FAM53A: variants seen among roughly 807,000 people sequenced by gnomAD.
The protein encoded by FAM53A is family with sequence similarity 53 member A.
In FAM53A, 28 loss-of-function variants were observed where a neutral mutation model predicts 26.6. The ratio of observed to expected loss-of-function variants is 1.05; its 90% CI spans 0.78 to 1.45. The LOEUF is 1.45. FAM53A is among the 40% of genes most tolerant of loss of function. The pLI is 0.00. For synonymous variants in FAM53A, 290 were observed against 253.1 expected (o/e 1.15, Z -1.38); for missense variants, 650 against 575.8 (o/e 1.13, Z -1.32).
rs1715567970 is a variant in FAM53A at position 1,630,519 on chromosome 4, G to A, written c.432-12408C>T. Among the ~76,000 whole-genome samples the A allele has an allele frequency of 6.6e-6, 1 of 152,228 alleles. No homozygotes were observed. The highest frequency in any genetic ancestry group is 2.4e-5 in the African/African-American group (1 of 41,456). Reference sequence around the variant, plus strand: ...ATCGTGTATGGGGACACACAGGCAAGAGCAGGGTCTACAAAAATACACGCC... The same window carrying A: ...ATCGTGTATGGGGACACACAGGCAAAAGCAGGGTCTACAAAAATACACGCC... On this transcript the variant is annotated intron_variant, in intron 1 of 1. Coordinates refer to the FAM53A transcript ENST00000489029. The surrounding 1 kb of genome is among the most constrained non-coding windows in gnomAD (Gnocchi z 4.3).
the FAM53A span, among the ~76,000 whole-genome samples, chr4:1,596,101 CAG>C: frequency 2.0e-5 from 3 of 152,210 alleles, no homozygotes; most frequent in East Asian, 3.9e-4. Context: ...AAAGTGCACA[CAG>C]AGACAGAGGG....
intron 1 of FAM53A, chr4:1,683,650 T>C (rs563834493): frequency 6.6e-6 from 1 of 152,264 alleles, no homozygotes; most frequent in Non-Finnish European, 1.5e-5. Flanking sequence ...TATGGAAACT[T>C]AGCTTCAAAG....
chr4:1,655,343 C>A lies in FAM53A; in HGVS notation c.517G>T (p.Ala173Ser). 7.0e-7 allele frequency: 1 copy of A among 1,434,080 alleles called. No individual in the cohort carries two copies. The highest frequency in any genetic ancestry group is 9.1e-7 in the Non-Finnish European group (1 of 1,097,302). 88.8% of individuals were successfully genotyped at this position (1,434,080 alleles called of 1,614,324 possible). A position where few individuals can be genotyped will look rare whatever the true frequency, so the allele number is the denominator to read the frequency against. ...GSPGAVLPRS[A>S]VWSTGPTSPA... is the part of the protein sequence containing the mutation. ...GAGGTGGGACCGGTCGACCACACAG[C>A]ACTCCTCGGCAGGACGGCGCCGGGG... is the stretch of plus-strand genomic sequence containing the variant. The change falls in exon 4 of 5, where the codon GCT becomes TCT. Residue 173 changes from alanine (A) to serine (S), a missense_variant. Ala to Ser is a moderately conservative substitution (Grantham distance 99, BLOSUM62 1). Coordinates refer to ENST00000308132, the MANE Select transcript of FAM53A (RefSeq NM_001174070.3).
chr4:1,601,386 C>T, the FAM53A span, among the ~76,000 whole-genome samples: 1 of 113,234 alleles, frequency 8.8e-6, no homozygotes, highest in South Asian at 2.6e-4. Flanking sequence ...CATCCGTCCA[C>T]CGTTCACACA....
chr4:1,625,804 C>T (rs558097540), intron 1 of FAM53A, among the ~76,000 whole-genome samples: 2 of 152,118 alleles, frequency 1.3e-5, no homozygotes, highest in Non-Finnish European at 2.9e-5. Flanking sequence ...CCCCACGTCC[C>T]GGCCCACGTG....
intron 2 of FAM53A, 139 bp from the exon 3 acceptor site, chr4:1,657,607 T>A: frequency 1.3e-6 from 1 of 754,244 alleles, no homozygotes; most frequent in Non-Finnish European, 2.2e-6. Flanking sequence ...ACAGTTTTAT[T>A]AAAACCTAAC....
At chr4:1,612,641 C>A in the FAM53A span, among the ~76,000 whole-genome samples, 2 of 152,236 alleles carry the variant, frequency 1.3e-5, no homozygotes, top group African/African-American at 4.8e-5. Flanking sequence ...GGTGCATGCA[C>A]ACACGCCCAG....
the FAM53A span, among the ~76,000 whole-genome samples, chr4:1,601,863 G>A: frequency 2.1e-5 from 1 of 47,030 alleles, no homozygotes; most frequent in African/African-American, 5.3e-5. Context: ...AATCCAGCTA[G>A]AGCGAGGCTG....
chr4:1,587,117 T>C, the FAM53A span, among the ~76,000 whole-genome samples: 1 of 152,216 alleles, frequency 6.6e-6, no homozygotes, highest in Non-Finnish European at 1.5e-5. Flanking sequence ...TTGTTTGAGT[T>C]CCTAGTATAT....
At chr4:1,643,756 G>A (rs1196292576) in intron 4 of FAM53A, among the ~76,000 whole-genome samples, 1 of 151,732 alleles carries the variant, frequency 6.6e-6, no homozygotes, top group Non-Finnish European at 1.5e-5. Context: ...CTGTAGCGAT[G>A]GGGTCTCGCT....
the FAM53A span, among the ~76,000 whole-genome samples, chr4:1,597,268 G>T: frequency 6.2e-4 from 94 of 152,000 alleles, 1 homozygote; most frequent in Non-Finnish European, 1.1e-3. Context: ...TCACTCCCCT[G>T]CCTCTGCTCC....
intron 1 of FAM53A, among the ~76,000 whole-genome samples, chr4:1,672,902 C>T (rs962031924): frequency 6.6e-6 from 1 of 151,080 alleles, no homozygotes; most frequent in Non-Finnish European, 1.5e-5. Flanking sequence ...GCCAAGTAGC[C>T]GGGATTACAG....
chr4:1,642,849 C>A (rs74853575), intron 4 of FAM53A, among the ~76,000 whole-genome samples: 1 of 152,258 alleles, frequency 6.6e-6, no homozygotes, highest in Non-Finnish European at 1.5e-5. Context: ...TGGCTTCAGA[C>A]GCCTCACCTC....
chr4:1,657,886 G>A (rs887728009), intron 2 of FAM53A, among the ~76,000 whole-genome samples: 4 of 151,988 alleles, frequency 2.6e-5, no homozygotes, highest in East Asian at 1.9e-4. Flanking sequence ...TGATCCGCCC[G>A]CCTCAGCCTC....
At chr4:1,582,530 A>C in the FAM53A span, among the ~76,000 whole-genome samples, 1 of 152,192 alleles carries the variant, frequency 6.6e-6, no homozygotes, top group Non-Finnish European at 1.5e-5. Flanking sequence ...GCCCTGGCTG[A>C]GACCCCATTT....
At chr4:1,608,093 C>A in the FAM53A span, among the ~76,000 whole-genome samples, 1 of 152,146 alleles carries the variant, frequency 6.6e-6, no homozygotes, top group Non-Finnish European at 1.5e-5. Flanking sequence ...GCCTTGGTGA[C>A]AGAGCAAAAC....
At chr4:1,655,851 G>C (rs996648759) in intron 3 of FAM53A, 128 bp from the exon 4 acceptor site, 9 of 1,154,210 alleles carry the variant, frequency 7.8e-6, no homozygotes, top group Non-Finnish European at 1.0e-5. Context: ...CCCTGGGCGT[G>C]CTTCTCCAAG....
At chr4:1,609,953 T>C in the FAM53A span, among the ~76,000 whole-genome samples, 156 of 152,088 alleles carry the variant, frequency 1.0e-3, no homozygotes, top group African/African-American at 3.6e-3. Context: ...ACAGAGACTT[T>C]GTCTCAATAA....
At chr4:1,685,960 A>G (rs900442914), upstream of FAM53A, among the ~76,000 whole-genome samples, 2 of 152,152 alleles carry the variant, frequency 1.3e-5, no homozygotes, top group African/African-American at 2.4e-5. Context: ...GAGCTGTGTG[A>G]CTGATTAACT....
Sources: gnomAD v4.1 joint callset for allele counts (sites outside exome capture counted in the v4.1 genomes callset) on GRCh38, gnomAD v4.1.1 for gene constraint, Gnocchi (gnomAD v3.1) non-coding constraint, MANE v1.5 for transcripts, NCBI Gene and HGNC (gene_info 2026-07-23, HGNC 2026-07-21) for gene names.